The following VPS35L variants were observed in gnomAD, a reference collection of about 807,000 sequenced individuals.
The protein encoded by VPS35L is VPS35 endosomal protein sorting factor like.
VPS35L carries 83 observed loss-of-function variants against 133.0 expected under a neutral mutation model. The ratio of observed to expected loss-of-function variants is 0.62; its 90% CI spans 0.52 to 0.75. The LOEUF is 0.75. Among genes scored for constraint, VPS35L ranks in the 30% least tolerant of loss-of-function variants. VPS35L has a pLI of 0.00. For missense variants in VPS35L, 1,083 were observed against 1,206.8 expected (o/e 0.90, Z 1.52); for synonymous variants, 423 against 449.9 (o/e 0.94, Z 0.76).
At chr16:19,591,099 A>G (rs892972241) in intron 7 of VPS35L, among the ~76,000 whole-genome samples, 1 of 152,162 alleles carries the variant, frequency 6.6e-6, no homozygotes, top group Non-Finnish European at 1.5e-5. Context: ...CCAGAGTAAC[A>G]TGTATTCACT....
intron 21 of VPS35L, among the ~76,000 whole-genome samples, chr16:19,641,789 T>G (rs1973795399): frequency 7.4e-6 from 1 of 134,590 alleles, no homozygotes. Flanking sequence ...ATAAGAAGCA[T>G]AGTTAAAAAC....
intron 28 of VPS35L, among the ~76,000 whole-genome samples, chr16:19,690,405 G>C (rs921326660): frequency 2.0e-5 from 3 of 152,198 alleles, no homozygotes; most frequent in African/African-American, 7.2e-5. Context: ...CTAGGCAGTG[G>C]TTGTCACAGG....
chr16:19,565,957 G>A (rs933448870), intron 2 of VPS35L, among the ~76,000 whole-genome samples: 1 of 152,192 alleles, frequency 6.6e-6, no homozygotes, highest in Non-Finnish European at 1.5e-5. Flanking sequence ...CTCTCTGCCA[G>A]GTTGGTACTG....
At chr16:19,593,806 A>G (rs980512859) in intron 8 of VPS35L, among the ~76,000 whole-genome samples, 3 of 152,102 alleles carry the variant, frequency 2.0e-5, no homozygotes, top group African/African-American at 7.2e-5. Flanking sequence ...AGTCCCAGCT[A>G]CTTGGGAGGC....
chr16:19,627,729 G>A lies in VPS35L; in HGVS notation c.1307G>A (p.Arg436Gln), dbSNP rs143145061. The change falls in exon 16 of 31, where the codon CGG (arginine) becomes CAG (glutamine). Residue 436 changes from arginine (R) to glutamine (Q), a missense_variant. Physicochemically the swap from Arg to Gln is conservative, Grantham distance 43 (BLOSUM62 1). Coordinates refer to ENST00000417362, the MANE Select transcript of VPS35L (RefSeq NM_020314.7). ...TTGAATTCTGTGATGTCTGCCTTCC[G>A]GGCTGAGTTCATCGCCACAAGGTCT... is the stretch of plus-strand genomic sequence containing the variant. The part of the protein sequence containing the change: ...LLLNSVMSAF[R>Q]AEFIATRSMD... 6.0e-4 allele frequency: 973 copies of A among 1,614,006 alleles called. No individual in the cohort carries two copies. Among genetic ancestry groups the A allele is most frequent in the Non-Finnish European group, 7.2e-4 (855 of 1,179,928 alleles).
At chr16:19,671,137 G>A (rs763987789) in intron 27 of VPS35L, among the ~76,000 whole-genome samples, 1 of 152,140 alleles carries the variant, frequency 6.6e-6, no homozygotes, top group South Asian at 2.1e-4. Flanking sequence ...TAATTGGTTT[G>A]CTTTTTAGTC....
At position 19,595,239 on chromosome 16, in the gene VPS35L, A is replaced by G. The variant is rs1428788399; in HGVS notation, c.724+3365A>G. ...GGGATTTAACAGGCTCCGTGTTGAG[A>G]CTAGACTGTAGGGCGGGGGTAGAGC... is the stretch of plus-strand genomic sequence containing the variant. On this transcript the variant is annotated intron_variant, in intron 8 of 30. Transcript: ENST00000417362. Among the ~76,000 whole-genome samples the G allele has an allele frequency of 2.0e-5, 3 of 151,900 alleles. No individual in the cohort carries two copies. In the East Asian group the frequency reaches 5.8e-4, roughly 30 times the overall value.
intron 14 of VPS35L, among the ~76,000 whole-genome samples, chr16:19,622,336 T>A (rs1456474974): frequency 6.6e-6 from 1 of 151,646 alleles, no homozygotes; most frequent in African/African-American, 2.4e-5. Context: ...AGAGACAGGG[T>A]CTCATCATCT....
intron 8 of VPS35L, among the ~76,000 whole-genome samples, chr16:19,598,821 A>T (rs906081505): frequency 1.4e-4 from 21 of 151,776 alleles, no homozygotes; most frequent in Non-Finnish European, 2.6e-4. Context: ...TGGAGATGAA[A>T]TTTTTTTTAA....
At chr16:19,674,184 C>CTTTTTCTTTTTTT (rs1555507022) in intron 27 of VPS35L, among the ~76,000 whole-genome samples, 42 of 70,908 alleles carry the variant, frequency 5.9e-4, no homozygotes, top group African/African-American at 2.5e-3. Context: ...TTTTCTTTTT[C>CTTTTTCTTTTTTT]TTTTTTTTTT....
intron 2 of VPS35L, 105 bp from the exon 3 acceptor site, chr16:19,569,319 G>C (rs1469930824): frequency 2.3e-6 from 3 of 1,280,518 alleles, no homozygotes; most frequent in Non-Finnish European, 3.4e-6. Context: ...TGCTGCAAAT[G>C]AACCATCCAT....
At chr16:19,610,820 T>C (rs1972692493) in intron 12 of VPS35L, among the ~76,000 whole-genome samples, 4 of 152,124 alleles carry the variant, frequency 2.6e-5, no homozygotes, top group Non-Finnish European at 5.9e-5. Context: ...AGGGGAGCAG[T>C]GTCCCACATG....
In VPS35L at chr16:19,679,857, C is replaced by T. The variant is rs1050620619; in HGVS notation, c.2362-2368C>T. Reference sequence around the variant, plus strand: ...TTAACAGCTTGTACAAAACATCCCACGCCCCTCCACAATTGTCCTCACCCA... The same window carrying T: ...TTAACAGCTTGTACAAAACATCCCATGCCCCTCCACAATTGTCCTCACCCA... On this transcript the variant is annotated intron_variant, in intron 27 of 30. Transcript: ENST00000417362. Among the ~76,000 whole-genome samples the T allele has an allele frequency of 2.6e-5, 4 of 152,144 alleles. No individual in the cohort carries two copies. In the South Asian group the frequency reaches 6.2e-4, roughly 24 times the overall value.
rs147668766 is a variant in VPS35L at position 19,590,421 on chromosome 16, A to C, written c.640-1369A>C. ...TTTTTAAATGACATTTTTCTTTCTG[A>C]GGGTCAACCATTGAGGTGATGAAGT... On this transcript the variant is annotated intron_variant, in intron 7 of 30. Transcript: ENST00000417362. 4.8e-3 allele frequency among the ~76,000 whole-genome samples: 729 copies of C among 152,126 alleles called. 4 individuals carry two copies. The highest frequency in any genetic ancestry group is 5.7e-3 in the Non-Finnish European group (388 of 68,008).
chr16:19,666,955 TCTTC>T lies in VPS35L; in HGVS notation c.2222-2201_2222-2198del, dbSNP rs1301440196. ...TTCTTCCTTTCTTCCTTTCTTCCTT[TCTTC>T]CTTTCTTCCTTTCTTCCTTTCTTTC... is the stretch of plus-strand genomic sequence containing the variant. On this transcript the variant is annotated intron_variant, in intron 26 of 30. Transcript: ENST00000417362. Among the ~76,000 whole-genome samples the T allele has an allele frequency of 4.0e-4, 50 of 125,634 alleles. 1 individual carries two copies. Among genetic ancestry groups the T allele is most frequent in the Middle Eastern group, 3.8e-3 (1 of 264 alleles). The allele number at this position is 125,634 out of a possible 152,430, so 82.4% of individuals were successfully genotyped here.
chr16:19,663,519 CT>C (rs1203359312), intron 26 of VPS35L, among the ~76,000 whole-genome samples: 3 of 148,672 alleles, frequency 2.0e-5, no homozygotes, highest in Non-Finnish European at 3.0e-5. Context: ...CTTTTTTTTT[CT>C]TTTTTTCCCC....
At chr16:19,625,179 C>T (rs1262762131) in intron 14 of VPS35L, among the ~76,000 whole-genome samples, 1 of 152,110 alleles carries the variant, frequency 6.6e-6, no homozygotes, top group Non-Finnish European at 1.5e-5. Flanking sequence ...CCCAGTCTGC[C>T]CAGGTTCATG....
chr16:19,606,076 T>C (rs528571746), intron 9 of VPS35L, among the ~76,000 whole-genome samples: 2 of 152,320 alleles, frequency 1.3e-5, no homozygotes, highest in East Asian at 3.9e-4. Flanking sequence ...AGCCTAAAGA[T>C]TCTGTATTGG....
intron 8 of VPS35L, among the ~76,000 whole-genome samples, chr16:19,593,192 G>A (rs150713575): frequency 0.011 from 1,743 of 152,184 alleles, 17 homozygotes; most frequent in Non-Finnish European, 0.018. Context: ...CCAGAACATC[G>A]TGCCATTAGC....
Sources: allele counts gnomAD v4.1 joint callset (sites outside exome capture counted in the v4.1 genomes callset), GRCh38; gene constraint gnomAD v4.1.1; transcripts MANE v1.5; gene names NCBI Gene and HGNC (gene_info 2026-07-23, HGNC 2026-07-21).